Variants in PPP2R5E observed in about 807,000 individuals in gnomAD.
The protein encoded by PPP2R5E is serine/threonine-protein phosphatase 2A 56 kDa regulatory subunit epsilon isoform.
A neutral mutation model predicts 65.3 loss-of-function variants in PPP2R5E; 4 were observed. The observed-to-expected ratio is 0.06, with a 90% confidence interval of 0.03 to 0.14. The LOEUF (loss-of-function observed/expected upper bound fraction) is 0.14, where lower values mean the gene tolerates loss of function less well. PPP2R5E is among the 10% of genes least tolerant of loss of function. The probability of loss-of-function intolerance (pLI) is 1.00; values close to 1 mark genes in which losing one functional copy is unlikely to be tolerated. For missense variants in PPP2R5E, 274 were observed against 556.1 expected, an observed-to-expected ratio of 0.49 and a Z score of 5.10; for synonymous variants, 183 against 187.4, an observed-to-expected ratio of 0.98 and a Z score of 0.19.
intron 13 of PPP2R5E, among the ~76,000 whole-genome samples, chr14:63,378,975 C>G (rs190899779): frequency 5.9e-5 from 9 of 152,194 alleles, no homozygotes; most frequent in African/African-American, 2.2e-4. Context: ...TCTGTCAGTA[C>G]ACCCTTCTAT....
chr14:63,499,351 T>C (rs1401677128), intron 2 of PPP2R5E, among the ~76,000 whole-genome samples: 6 of 152,062 alleles, frequency 3.9e-5, no homozygotes, highest in African/African-American at 9.7e-5. Context: ...ATGGCAGTAA[T>C]AAGGATGAGA....
intron 3 of PPP2R5E, among the ~76,000 whole-genome samples, chr14:63,432,996 C>CAGGGCCTTATACAAAGCTCTTAACCAT (rs1303466925): frequency 1.3e-4 from 19 of 151,242 alleles, no homozygotes; most frequent in African/African-American, 4.6e-4. Context: ...GTCTTAACCA[C>CAGGGCCTTATACAAAGCTCTTAACCAT]AGCGCCACAT....
intron 3 of PPP2R5E, among the ~76,000 whole-genome samples, chr14:63,437,009 G>A (rs951089232): frequency 1.3e-5 from 2 of 152,140 alleles, no homozygotes; most frequent in Non-Finnish European, 1.5e-5. Flanking sequence ...AGACCTTACT[G>A]ATAAAACAGG....
intron 12 of PPP2R5E, among the ~76,000 whole-genome samples, chr14:63,383,358 T>G (rs964204904): frequency 1.3e-5 from 2 of 152,242 alleles, no homozygotes. Flanking sequence ...GTACACTTGC[T>G]GTGTAGCTTC....
At chr14:63,419,093 C>A (rs974073045) in intron 4 of PPP2R5E, among the ~76,000 whole-genome samples, 2 of 152,126 alleles carry the variant, frequency 1.3e-5, no homozygotes, top group Non-Finnish European at 2.9e-5. Flanking sequence ...GTGATCCACC[C>A]GCCTTGGCCT....
chr14:63,434,937 G>A (rs1204249706), intron 3 of PPP2R5E, among the ~76,000 whole-genome samples: 1 of 152,166 alleles, frequency 6.6e-6, no homozygotes, highest in African/African-American at 2.4e-5. Context: ...TGGAAAATCA[G>A]TTAAGTAAAC....
intron 2 of PPP2R5E, among the ~76,000 whole-genome samples, chr14:63,529,012 C>T (rs1893298993): frequency 6.6e-6 from 1 of 152,216 alleles, no homozygotes; most frequent in South Asian, 2.1e-4. Context: ...AAACTTCAAA[C>T]ACTTTTTTTT....
In PPP2R5E at chr14:63,427,741, C is replaced by T. The variant is rs1222518950; in HGVS notation, c.355-5647G>A. 6.6e-5 allele frequency among the ~76,000 whole-genome samples: 10 copies of T among 152,152 alleles called. No homozygotes were observed. In the South Asian group the frequency reaches 1.4e-3, roughly 22 times the overall value. ...GAAAGGATGTCAAAACCTGGACAAC[C>T]CCTCTTCAAAGACAGAAAACCTCCA... is the stretch of plus-strand genomic sequence containing the variant. On this transcript the variant is annotated intron_variant, in intron 3 of 13. Transcript: ENST00000337537.
At chr14:63,522,310 G>T (rs1229451332) in intron 2 of PPP2R5E, among the ~76,000 whole-genome samples, 2 of 151,834 alleles carry the variant, frequency 1.3e-5, no homozygotes, top group African/African-American at 4.8e-5. Context: ...CCACCTCCCA[G>T]CCGCCTGCCT....
intron 2 of PPP2R5E, among the ~76,000 whole-genome samples, chr14:63,523,704 AAAAT>A: frequency 7.0e-6 from 1 of 142,884 alleles, no homozygotes; most frequent in Non-Finnish European, 1.5e-5. Flanking sequence ...AGAATGATCA[AAAAT>A]AAATAAATTA....
At chr14:63,511,667 T>G (rs1892457229) in intron 2 of PPP2R5E, among the ~76,000 whole-genome samples, 1 of 152,122 alleles carries the variant, frequency 6.6e-6, no homozygotes, top group African/African-American at 2.4e-5. Context: ...TGACATAGAA[T>G]GGGTATGGTG....
chr14:63,515,520 T>C (rs1287385762), intron 2 of PPP2R5E, among the ~76,000 whole-genome samples: 6 of 152,068 alleles, frequency 3.9e-5, no homozygotes, highest in Non-Finnish European at 8.8e-5. Flanking sequence ...TTGTGAACAT[T>C]ATCATTCACA....
intron 3 of PPP2R5E, among the ~76,000 whole-genome samples, chr14:63,432,477 T>C (rs1284937904): frequency 6.6e-6 from 1 of 152,104 alleles, no homozygotes; most frequent in East Asian, 1.9e-4. Context: ...AGAGAAACAA[T>C]AGAATTTGAA....
chr14:63,536,834 A>G (rs879259560), intron 2 of PPP2R5E, among the ~76,000 whole-genome samples: 2 of 152,222 alleles, frequency 1.3e-5, no homozygotes, highest in Non-Finnish European at 2.9e-5. Context: ...ATTCATAGAA[A>G]CAAAAAACAG....
At chr14:63,406,385 T>C (rs1426682121) in intron 5 of PPP2R5E, among the ~76,000 whole-genome samples, 1 of 143,202 alleles carries the variant, frequency 7.0e-6, no homozygotes. Flanking sequence ...CAATCCAGCC[T>C]GGGTGACAGA....
At chr14:63,507,575 CTTTTTT>C (rs756154248) in intron 2 of PPP2R5E, among the ~76,000 whole-genome samples, 5 of 105,500 alleles carry the variant, frequency 4.7e-5, no homozygotes, top group South Asian at 2.9e-4. Context: ...GGGTAATTCT[CTTTTTT>C]TTTTTTTTTT....
At chr14:63,539,979 G>A (rs1278280370) in intron 1 of PPP2R5E, among the ~76,000 whole-genome samples, 6 of 151,054 alleles carry the variant, frequency 4.0e-5, no homozygotes, top group Non-Finnish European at 8.8e-5. Context: ...ACAAAAATTA[G>A]CCGGGCATGA....
chr14:63,386,474 G>A lies in PPP2R5E; in HGVS notation c.1075-1903C>T, dbSNP rs962176734. Among the ~76,000 whole-genome samples, 4 of 152,128 alleles carry A rather than the reference G, an allele frequency of 2.6e-5. No homozygotes were observed. In the East Asian group the frequency reaches 7.7e-4, roughly 29 times the overall value. ...TTACTCTGTTATCCCTAAAGAGTTC[G>A]CACACTGGTGGGAGAAGGGGCATCT... On this transcript the variant is annotated intron_variant, in intron 11 of 13. Transcript: ENST00000337537.
intron 2 of PPP2R5E, among the ~76,000 whole-genome samples, chr14:63,532,780 CA>C (rs1893491653): frequency 6.6e-6 from 1 of 152,184 alleles, no homozygotes; most frequent in Non-Finnish European, 1.5e-5. Context: ...ACCCATGCGA[CA>C]ATGTATCACG....
Sources: allele counts gnomAD v4.1 joint callset (sites outside exome capture counted in the v4.1 genomes callset), GRCh38; gene constraint gnomAD v4.1.1; transcripts MANE v1.5; gene names NCBI Gene and HGNC (gene_info 2026-07-23, HGNC 2026-07-21).